Variants in RABGEF1 observed in about 807,000 individuals in gnomAD.
RABGEF1 encodes rab5 GDP/GTP exchange factor.
Under a neutral mutation model 57.3 loss-of-function variants are expected in RABGEF1, and 26 were observed. The ratio of observed to expected loss-of-function variants is 0.45; its 90% CI spans 0.33 to 0.63. The LOEUF (loss-of-function observed/expected upper bound fraction) is 0.63, where lower values mean the gene tolerates loss of function less well. Ranked by LOEUF, RABGEF1 falls within the 20% of genes least tolerant of loss-of-function variation. The pLI is 0.02. For synonymous variants in RABGEF1, 185 were observed against 210.7 expected, an observed-to-expected ratio of 0.88 and a Z score of 1.06; for missense variants, 464 against 607.6, an observed-to-expected ratio of 0.76 and a Z score of 2.48.
intron 1 of RABGEF1, among the ~76,000 whole-genome samples, chr7:66,755,069 C>T (rs1179080081): frequency 4.6e-5 from 7 of 152,028 alleles, no homozygotes; most frequent in African/African-American, 9.7e-5. Context: ...CCAAGGCAGG[C>T]GGATCACGAG....
At chr7:66,709,100 C>A (rs1794480729) in intron 1 of RABGEF1, among the ~76,000 whole-genome samples, 1 of 151,864 alleles carries the variant, frequency 6.6e-6, no homozygotes, top group African/African-American at 2.4e-5. Flanking sequence ...TCACTACAAC[C>A]TCTGCCTTCT....
At chr7:66,680,296 G>C (rs1003882739), upstream of RABGEF1, among the ~76,000 whole-genome samples, 19 of 151,938 alleles carry the variant, frequency 1.3e-4, no homozygotes, top group Non-Finnish European at 1.8e-4. Flanking sequence ...GCCCAAGCTG[G>C]AGTGCAATGT....
chr7:66,667,227 G>T, the RABGEF1 span, among the ~76,000 whole-genome samples: 1 of 152,224 alleles, frequency 6.6e-6, no homozygotes, highest in Non-Finnish European at 1.5e-5. Context: ...CACCCTTAGT[G>T]CCTGGCACGG....
intron 1 of RABGEF1, among the ~76,000 whole-genome samples, chr7:66,689,797 C>G (rs1230135712): frequency 2.0e-5 from 3 of 147,830 alleles, no homozygotes; most frequent in African/African-American, 5.0e-5. Context: ...AGCAAGACTT[C>G]GTCTCAAAAA....
the RABGEF1 span, among the ~76,000 whole-genome samples, chr7:66,655,987 C>T: frequency 2.0e-5 from 3 of 152,164 alleles, no homozygotes; most frequent in South Asian, 4.1e-4. Context: ...GCCGTGCTGT[C>T]GGGCGTGGAG....
intron 2 of RABGEF1, among the ~76,000 whole-genome samples, chr7:66,715,045 T>C (rs891379653): frequency 1.3e-5 from 2 of 152,006 alleles, no homozygotes; most frequent in Admixed American, 6.6e-5. Context: ...TCACTACTTC[T>C]TCTCCTTCTC....
At chr7:66,794,658 T>G (rs1273300391) in intron 4 of RABGEF1, among the ~76,000 whole-genome samples, 1 of 152,088 alleles carries the variant, frequency 6.6e-6, no homozygotes, top group East Asian at 1.9e-4. Flanking sequence ...TTCTGAGGAG[T>G]GTGGCTAGCA....
At chr7:66,784,044 T>G (rs1810579436) in intron 4 of RABGEF1, among the ~76,000 whole-genome samples, 2 of 152,242 alleles carry the variant, frequency 1.3e-5, no homozygotes, top group African/African-American at 2.4e-5. Context: ...CAGTGGTGTT[T>G]GGATCATCTT....
chr7:66,758,461 G>C (rs1436123637), intron 1 of RABGEF1, among the ~76,000 whole-genome samples: 1 of 152,192 alleles, frequency 6.6e-6, no homozygotes, highest in Non-Finnish European at 1.5e-5. Flanking sequence ...TGCCCAGGTT[G>C]CTCAACCAAG....
intron 1 of RABGEF1, among the ~76,000 whole-genome samples, chr7:66,760,973 A>G (rs1804183580): frequency 6.6e-6 from 1 of 152,154 alleles, no homozygotes; most frequent in African/African-American, 2.4e-5. Flanking sequence ...AGTACGTATC[A>G]TTGCTTTATA....
upstream of RABGEF1, among the ~76,000 whole-genome samples, chr7:66,738,014 GT>G (rs759479602): frequency 1.4e-5 from 2 of 139,902 alleles, no homozygotes; most frequent in African/African-American, 2.6e-5. Context: ...TGTGTTTTTT[GT>G]TTTTTTTGTT....
intron 1 of RABGEF1, among the ~76,000 whole-genome samples, chr7:66,684,886 C>T (rs1462891421): frequency 2.0e-5 from 3 of 152,294 alleles, no homozygotes; most frequent in African/African-American, 7.2e-5. Flanking sequence ...CTGCCCGCTT[C>T]GGCCTTCCAA....
intron 2 of RABGEF1, among the ~76,000 whole-genome samples, chr7:66,712,710 G>A (rs1384797895): frequency 2.0e-5 from 3 of 152,090 alleles, no homozygotes; most frequent in African/African-American, 7.2e-5. Context: ...CAGGCTCAAG[G>A]GATCCACCCA....
At chr7:66,709,205 C>A (rs1794497623) in intron 1 of RABGEF1, among the ~76,000 whole-genome samples, 1 of 152,198 alleles carries the variant, frequency 6.6e-6, no homozygotes, top group South Asian at 2.1e-4. Flanking sequence ...AATGGAGTTT[C>A]ACCATGTTGT....
At chr7:66,659,109 G>GA in the RABGEF1 span, among the ~76,000 whole-genome samples, 1 of 152,120 alleles carries the variant, frequency 6.6e-6, no homozygotes, top group Non-Finnish European at 1.5e-5. Flanking sequence ...GACAGTACAA[G>GA]AAAACAACTG....
At chr7:66,765,345 G>A (rs551328540) in intron 1 of RABGEF1, among the ~76,000 whole-genome samples, 1 of 152,278 alleles carries the variant, frequency 6.6e-6, no homozygotes, top group South Asian at 2.1e-4. Flanking sequence ...TATTGTTTCT[G>A]TCTAATACAT....
Position 66,682,717 on chromosome 7 carries a change from C to G in RABGEF1, c.-873+459C>G, listed in dbSNP as rs1304065080. Among the ~76,000 whole-genome samples the G allele has an allele frequency of 6.6e-5, 10 of 152,284 alleles. No homozygotes were observed. The East Asian group carries it at 1.7e-3, about 26-fold the overall frequency. On this transcript the variant is annotated intron_variant and NMD_transcript_variant, in intron 1 of 9. Transcript: ENST00000607882. ...ACAGCCCCCGGCCGCGGCAGGGCGC[C>G]GGGATTTGATCCCGCGTCGCCCTGG...
At chr7:66,708,934 A>G (rs1179206366) in intron 1 of RABGEF1, among the ~76,000 whole-genome samples, 1 of 152,102 alleles carries the variant, frequency 6.6e-6, no homozygotes, top group South Asian at 2.1e-4. Context: ...AATATGCAAT[A>G]TGCCTTCTTT....
At chr7:66,709,291 T>C (rs1488045709) in intron 1 of RABGEF1, among the ~76,000 whole-genome samples, 2 of 152,160 alleles carry the variant, frequency 1.3e-5, no homozygotes, top group African/African-American at 2.4e-5. Context: ...TGAGCCATCG[T>C]GCTCTGCCTG....
Sources: gnomAD v4.1 joint callset for allele counts (sites outside exome capture counted in the v4.1 genomes callset) on GRCh38, gnomAD v4.1.1 for gene constraint, MANE v1.5 for transcripts, NCBI Gene and HGNC (gene_info 2026-07-23, HGNC 2026-07-21) for gene names.